GLYATL2: variants seen among roughly 807,000 people sequenced by gnomAD.
GLYATL2 encodes the protein glycine-N-acyltransferase like 2, also known as glycine N-acyltransferase-like protein 2.
GLYATL2 carries 25 observed loss-of-function variants against 21.4 expected under a neutral mutation model. The observed-to-expected ratio is 1.17, with a 90% CI of 0.85 to 1.63. GLYATL2 has a LOEUF of 1.63. Ranked by LOEUF, GLYATL2 falls within the 40% of genes most tolerant of loss-of-function variation. GLYATL2 has a pLI of 0.00. For missense variants in GLYATL2, 361 were observed against 343.3 expected (o/e 1.05, Z -0.41); for synonymous variants, 114 against 118.2 (o/e 0.96, Z 0.23).
chr11:58,899,091 G>A (rs1854686979), intron 1 of GLYATL2, among the ~76,000 whole-genome samples: 2 of 152,102 alleles, frequency 1.3e-5, no homozygotes, highest in Admixed American at 6.5e-5. Context: ...AAGAAAGAAG[G>A]TAACCTTGAA....
chr11:58,854,848 C>T (rs1853801657), intron 1 of GLYATL2, among the ~76,000 whole-genome samples: 1 of 152,160 alleles, frequency 6.6e-6, no homozygotes, highest in African/African-American at 2.4e-5. Context: ...ATCTTCACCA[C>T]GAGTAGTTTC....
chr11:58,881,205 C>G (rs954462537), intron 1 of GLYATL2, among the ~76,000 whole-genome samples: 2 of 152,148 alleles, frequency 1.3e-5, no homozygotes, highest in Non-Finnish European at 2.9e-5. Context: ...TCTCATTCCT[C>G]TGGAAAACAT....
Position 58,893,132 on chromosome 11 carries a change from G to C in GLYATL2, n.60+11024C>G, listed in dbSNP as rs79220239. 1.2e-3 allele frequency: 467 copies of C among 403,956 alleles called. 2 individuals carry two copies. The highest frequency in any genetic ancestry group is 9.2e-3 in the African/African-American group (442 of 47,912). 25.0% of individuals were successfully genotyped at this position (403,956 alleles called of 1,614,324 possible). ...TGGAGGCGAGGGAAGAATGAGAGGA[G>C]CCTTCCTTACATCAAGCGCTGCATA... On this transcript the variant is annotated intron_variant and non_coding_transcript_variant, in intron 1 of 4. Coordinates refer to the GLYATL2 transcript ENST00000533636.
intron 1 of GLYATL2, among the ~76,000 whole-genome samples, chr11:58,865,744 C>T (rs1363968448): frequency 1.4e-5 from 2 of 146,362 alleles, no homozygotes; most frequent in Admixed American, 1.4e-4. Flanking sequence ...AGGCAGGTGT[C>T]TTTCTTAACC....
chr11:58,908,658 A>G (rs1221134783), upstream of GLYATL2: 1 of 152,694 alleles, frequency 6.5e-6, no homozygotes, highest in Non-Finnish European at 1.5e-5. Flanking sequence ...TCCTTATCTT[A>G]GGCTGTTTAA....
At position 58,867,117 on chromosome 11, in the gene GLYATL2, T is replaced by G. The variant is rs1003316709; in HGVS notation, n.61-28749A>C. ...TCCCATTCCCTGCCATGAGCAAGAG[T>G]TTTAGGGCCTCATAGGGATTCAAAG... On this transcript the variant is annotated intron_variant and non_coding_transcript_variant, in intron 1 of 4. Coordinates refer to the GLYATL2 transcript ENST00000533636. 1.3e-5 allele frequency among the ~76,000 whole-genome samples: 2 copies of G among 148,580 alleles called. 1 individual carries two copies. Among genetic ancestry groups the G allele is most frequent in the Admixed American group, 1.4e-4 (2 of 14,430 alleles).
rs545952478 is a variant in GLYATL2 at position 58,857,888 on chromosome 11, CAA to C, written n.61-19522_61-19521del. Among the ~76,000 whole-genome samples the C allele has an allele frequency of 7.5e-3, 813 of 108,338 alleles. 3 individuals are homozygous for C. Among genetic ancestry groups the C allele is most frequent in the African/African-American group, 0.027 (723 of 26,856 alleles). The allele number at this position is 108,338 out of a possible 152,430, so 71.1% of individuals were successfully genotyped here. ...CCTCATTCCCTACTCTTTTCCCCTC[CAA>C]AAAAAAAAAAAAAAAAAAAAAAACA... On this transcript the variant is annotated intron_variant and non_coding_transcript_variant, in intron 1 of 4. Coordinates refer to the GLYATL2 transcript ENST00000533636.
chr11:58,882,870 G>A (rs1403684346), intron 1 of GLYATL2, among the ~76,000 whole-genome samples: 2 of 152,134 alleles, frequency 1.3e-5, no homozygotes, highest in Non-Finnish European at 2.9e-5. Flanking sequence ...TCAGATGGTT[G>A]TAGATGTGTG....
intron 1 of GLYATL2, among the ~76,000 whole-genome samples, chr11:58,867,582 C>T (rs1055858367): frequency 6.7e-6 from 1 of 148,880 alleles, no homozygotes; most frequent in Non-Finnish European, 1.5e-5. Context: ...GTCCCTCACA[C>T]AGCCTGAAAA....
At chr11:58,856,570 C>T (rs1196813468) in intron 1 of GLYATL2, among the ~76,000 whole-genome samples, 1 of 151,972 alleles carries the variant, frequency 6.6e-6, no homozygotes, top group Non-Finnish European at 1.5e-5. Flanking sequence ...CTTTCCTTCA[C>T]TTGAATACTT....
At chr11:58,851,377 T>C (rs1202660381) in intron 1 of GLYATL2, among the ~76,000 whole-genome samples, 2 of 152,226 alleles carry the variant, frequency 1.3e-5, no homozygotes, top group Non-Finnish European at 2.9e-5. Context: ...TCTGTTGATA[T>C]GGTGTATCGC....
At chr11:58,874,773 T>C (rs1185582579) in intron 1 of GLYATL2, among the ~76,000 whole-genome samples, 1 of 152,164 alleles carries the variant, frequency 6.6e-6, no homozygotes, top group Non-Finnish European at 1.5e-5. Context: ...CTGTTGATTT[T>C]GGATGGAGAG....
chr11:58,869,875 T>C (rs1327860229), intron 1 of GLYATL2, among the ~76,000 whole-genome samples: 2 of 152,116 alleles, frequency 1.3e-5, no homozygotes, highest in South Asian at 2.1e-4. Context: ...GCACAGAAGG[T>C]TATAAAACTA....
At chr11:58,858,144 A>G (rs1250005266) in intron 1 of GLYATL2, among the ~76,000 whole-genome samples, 2 of 152,158 alleles carry the variant, frequency 1.3e-5, no homozygotes, top group Non-Finnish European at 2.9e-5. Flanking sequence ...GTGGCTCCAC[A>G]AGTACCTTCA....
At chr11:58,892,928 T>C (rs1854569863) in intron 1 of GLYATL2, 1 of 296,286 alleles carries the variant, frequency 3.4e-6, no homozygotes, top group Non-Finnish European at 6.6e-6. Flanking sequence ...AAAGAGAGGA[T>C]GAATTCCTTT....
At chr11:58,847,997 C>CTTT (rs56234893), upstream of GLYATL2, among the ~76,000 whole-genome samples, 34 of 99,648 alleles carry the variant, frequency 3.4e-4, no homozygotes, top group African/African-American at 1.1e-3. Flanking sequence ...GAGAGAGAGG[C>CTTT]TTTTTTTTTT....
Position 58,868,305 on chromosome 11 carries a change from A to G in GLYATL2, n.61-29937T>C, listed in dbSNP as rs532335742. On this transcript the variant is annotated intron_variant and non_coding_transcript_variant, in intron 1 of 4. Transcript: ENST00000533636. ...GAATTTCTTCCTTAGTAAAGGAGCC[A>G]TAGGTACCTCAAAAAGCATCAAAGA... Among the ~76,000 whole-genome samples, 6 of 148,906 alleles carry G rather than the reference A, an allele frequency of 4.0e-5. 1 individual carries two copies. Among genetic ancestry groups the G allele is most frequent in the Non-Finnish European group, 8.9e-5 (6 of 67,130 alleles).
At chr11:58,884,161 T>C (rs1012756071) in intron 1 of GLYATL2, among the ~76,000 whole-genome samples, 1 of 152,090 alleles carries the variant, frequency 6.6e-6, no homozygotes. Context: ...GCACAAGACA[T>C]GGATGCCCTC....
chr11:58,843,996 G>A (rs957526893), intron 1 of GLYATL2, among the ~76,000 whole-genome samples: 2 of 152,130 alleles, frequency 1.3e-5, no homozygotes, highest in Non-Finnish European at 2.9e-5. Context: ...CAACAGAAAA[G>A]CATTGTTTTA....
Sources: gnomAD v4.1 joint callset for allele counts (sites outside exome capture counted in the v4.1 genomes callset) on GRCh38, gnomAD v4.1.1 for gene constraint, MANE v1.5 for transcripts, NCBI Gene and HGNC (gene_info 2026-07-23, HGNC 2026-07-21) for gene names.